Variants in TSPAN5 observed in about 807,000 individuals in gnomAD.
The protein encoded by TSPAN5 is tetraspanin-5.
TSPAN5 carries 10 observed loss-of-function variants against 37.1 expected under a neutral mutation model. The ratio of observed to expected loss-of-function variants is 0.27; its 90% CI spans 0.17 to 0.46. TSPAN5 has a LOEUF of 0.46. Among genes scored for constraint, TSPAN5 ranks in the 20% least tolerant of loss-of-function variants. TSPAN5 has a pLI of 1.00. For synonymous variants in TSPAN5, 110 were observed against 118.9 expected, an observed-to-expected ratio of 0.93 and a Z score of 0.48; for missense variants, 195 against 326.6, an observed-to-expected ratio of 0.60 and a Z score of 3.11.
intron 1 of TSPAN5, among the ~76,000 whole-genome samples, chr4:98,585,268 T>C (rs1755461294): frequency 6.6e-6 from 1 of 152,162 alleles, no homozygotes; most frequent in African/African-American, 2.4e-5. Flanking sequence ...TACTTCAACG[T>C]TCAGCCTCCC....
chr4:98,484,902 C>T (rs193134309), intron 3 of TSPAN5: 33 of 207,110 alleles, frequency 1.6e-4, no homozygotes, highest in Admixed American at 1.5e-3. Context: ...CACCTGAGGT[C>T]GGGAGTTTGA....
At chr4:98,505,722 C>A (rs1249569789) in intron 2 of TSPAN5, among the ~76,000 whole-genome samples, 1 of 152,212 alleles carries the variant, frequency 6.6e-6, no homozygotes, top group Non-Finnish European at 1.5e-5. Context: ...TTGTCGTATT[C>A]CCCACACTCA....
At chr4:98,625,774 G>A (rs1043497073) in intron 1 of TSPAN5, among the ~76,000 whole-genome samples, 2 of 151,758 alleles carry the variant, frequency 1.3e-5, no homozygotes, top group African/African-American at 2.4e-5. Flanking sequence ...TGAAAACCAC[G>A]TTTAAAAGCA....
At chr4:98,518,643 G>A (rs888909404) in intron 1 of TSPAN5, among the ~76,000 whole-genome samples, 1 of 152,208 alleles carries the variant, frequency 6.6e-6, no homozygotes, top group Non-Finnish European at 1.5e-5. Flanking sequence ...CTCCCTTCAG[G>A]AACCTGCAAG....
rs868302275 is a variant in TSPAN5, at chr4:98,598,332, T to C, written c.81+59814A>G. Reference sequence around the variant, plus strand: ...CGCACACACACTGGCCTGCGCCCACTGTCTGGCACTCCCTAGTGAGATGAA... The same window carrying C: ...CGCACACACACTGGCCTGCGCCCACCGTCTGGCACTCCCTAGTGAGATGAA... On this transcript the variant is annotated intron_variant, in intron 1 of 7. Transcript: ENST00000305798. Among the ~76,000 whole-genome samples, 459 of 145,980 alleles carry C rather than the reference T, an allele frequency of 3.1e-3. 1 individual carries two copies. The highest frequency in any genetic ancestry group is 0.017 in the Middle Eastern group (5 of 292).
intron 1 of TSPAN5, among the ~76,000 whole-genome samples, chr4:98,525,007 G>A (rs1193160593): frequency 1.3e-5 from 2 of 152,222 alleles, no homozygotes. Flanking sequence ...GTTAGTTTAC[G>A]TAGCTGCACA....
chr4:98,644,946 CT>C (rs940022280), intron 1 of TSPAN5, among the ~76,000 whole-genome samples: 2 of 152,170 alleles, frequency 1.3e-5, no homozygotes, highest in African/African-American at 4.8e-5. Context: ...AGCATTTTAC[CT>C]CTAGGGATCC....
intron 1 of TSPAN5, among the ~76,000 whole-genome samples, chr4:98,552,511 CT>C (rs1754646341): frequency 6.6e-6 from 1 of 152,160 alleles, no homozygotes; most frequent in South Asian, 2.1e-4. Flanking sequence ...ACACCTTGGT[CT>C]TTCTTTGGGC....
intron 1 of TSPAN5, among the ~76,000 whole-genome samples, chr4:98,633,352 G>C (rs9991053): frequency 0.43 from 65,307 of 151,922 alleles, 14,540 homozygotes; most frequent in Middle Eastern, 0.53. Flanking sequence ...TTAAACAAGA[G>C]AGACTCACCT....
intron 1 of TSPAN5, among the ~76,000 whole-genome samples, chr4:98,576,173 T>TA (rs1755231731): frequency 2.0e-5 from 3 of 151,918 alleles, no homozygotes; most frequent in African/African-American, 7.3e-5. Flanking sequence ...TACAAGAAAA[T>TA]TAAAAAAAAA....
chr4:98,555,255 A>G (rs542176539), intron 1 of TSPAN5, among the ~76,000 whole-genome samples: 1 of 152,020 alleles, frequency 6.6e-6, no homozygotes, highest in East Asian at 1.9e-4. Context: ...CAACTCTCCA[A>G]TTTCACATCA....
intron 1 of TSPAN5, among the ~76,000 whole-genome samples, chr4:98,631,670 G>T (rs1302613631): frequency 6.6e-6 from 1 of 152,124 alleles, no homozygotes; most frequent in African/African-American, 2.4e-5. Context: ...TCAGGCTATA[G>T]GATCTGATAA....
Position 98,521,248 on chromosome 4 carries a change from G to T in TSPAN5, c.82-13520C>A, listed in dbSNP as rs1753848984. 3.3e-5 allele frequency among the ~76,000 whole-genome samples: 5 copies of T among 152,296 alleles called. No homozygotes were observed. The South Asian group carries it at 1.0e-3, about 32-fold the overall frequency. On this transcript the variant is annotated intron_variant, in intron 1 of 7. Transcript: ENST00000305798. ...TCAGCAAGGCACTGACATTACAAGT[G>T]AGTCCTTCGTTACTATCTTTTCAAG... is the stretch of plus-strand genomic sequence containing the variant.
chr4:98,613,081 G>A (rs1756237571), intron 1 of TSPAN5, among the ~76,000 whole-genome samples: 1 of 151,316 alleles, frequency 6.6e-6, no homozygotes, highest in Non-Finnish European at 1.5e-5. Context: ...TTAGATGGGT[G>A]CCCAGGCCCA....
intron 1 of TSPAN5, among the ~76,000 whole-genome samples, chr4:98,627,449 G>A (rs1437171501): frequency 6.6e-6 from 1 of 151,914 alleles, no homozygotes; most frequent in African/African-American, 2.4e-5. Flanking sequence ...AATAACACGA[G>A]TAAATGCAAT....
chr4:98,605,231 A>C (rs1393639592), intron 1 of TSPAN5, among the ~76,000 whole-genome samples: 1 of 152,214 alleles, frequency 6.6e-6, no homozygotes, highest in African/African-American at 2.4e-5. Context: ...GAAAGAGTCA[A>C]ACATTTTAAT....
At chr4:98,481,892 C>A (rs1578934764) in intron 4 of TSPAN5, 113 bp downstream of exon 4, 2 of 989,886 alleles carry the variant, frequency 2.0e-6, no homozygotes, top group East Asian at 2.4e-5. Context: ...AACACCCATG[C>A]AGAATAGTCA....
intron 1 of TSPAN5, among the ~76,000 whole-genome samples, chr4:98,653,723 T>C (rs1018742279): frequency 6.6e-6 from 1 of 152,226 alleles, no homozygotes; most frequent in African/African-American, 2.4e-5. Flanking sequence ...TTATGCCGAA[T>C]AAAACATTAT....
intron 1 of TSPAN5, among the ~76,000 whole-genome samples, chr4:98,642,844 T>C (rs1756987017): frequency 6.6e-6 from 1 of 152,144 alleles, no homozygotes; most frequent in African/African-American, 2.4e-5. Flanking sequence ...ACTAAGGATA[T>C]AAAGAAAATA....
Sources: gnomAD v4.1 joint callset for allele counts (sites outside exome capture counted in the v4.1 genomes callset) on GRCh38, gnomAD v4.1.1 for gene constraint, MANE v1.5 for transcripts, NCBI Gene and HGNC (gene_info 2026-07-23, HGNC 2026-07-21) for gene names.